Variants in CDKAL1 observed in about 807,000 individuals in gnomAD.
CDKAL1 encodes the protein CDKAL1 threonylcarbamoyladenosine tRNA methylthiotransferase.
In CDKAL1, 32 loss-of-function variants were observed where a neutral mutation model predicts 68.2. The observed-to-expected ratio is 0.47, with a 90% CI of 0.35 to 0.63. The LOEUF is 0.63. Ranked by LOEUF, CDKAL1 falls within the 30% of genes least tolerant of loss-of-function variation. The pLI is 0.00. For synonymous variants in CDKAL1, 234 were observed against 244.3 expected, an observed-to-expected ratio of 0.96 and a Z score of 0.39; for missense variants, 606 against 696.7, an observed-to-expected ratio of 0.87 and a Z score of 1.47.
chr6:20,722,550 TG>T, intron 5 of CDKAL1: 1 of 318,440 alleles, frequency 3.1e-6, no homozygotes. Flanking sequence ...CTGCTTACCC[TG>T]GGCACACATA....
chr6:20,771,632 C>T (rs9368232), intron 7 of CDKAL1, among the ~76,000 whole-genome samples: 67,618 of 151,926 alleles, frequency 0.45, 15,263 homozygotes, highest in South Asian at 0.5. Flanking sequence ...ATGTGATCCT[C>T]GCTGTTGGAA....
At chr6:21,221,845 CTT>C (rs1337572503) in intron 15 of CDKAL1, among the ~76,000 whole-genome samples, 2 of 152,172 alleles carry the variant, frequency 1.3e-5, no homozygotes, top group Non-Finnish European at 2.9e-5. Flanking sequence ...TTTCACATCT[CTT>C]GAGTCAGATG....
intron 9 of CDKAL1, 128 bp from the exon 10 acceptor site, chr6:20,955,291 C>T: frequency 2.2e-6 from 2 of 907,316 alleles, no homozygotes; most frequent in Admixed American, 4.9e-5. Context: ...TGCTTTTTCT[C>T]TGCAATTGAA....
intron 13 of CDKAL1, among the ~76,000 whole-genome samples, chr6:21,169,578 A>G (rs895273991): frequency 3.3e-5 from 5 of 152,122 alleles, no homozygotes; most frequent in African/African-American, 7.2e-5. Flanking sequence ...AGAGGTTGCA[A>G]TGAGCTGAGA....
intron 8 of CDKAL1, among the ~76,000 whole-genome samples, chr6:20,820,321 C>T (rs1023740826): frequency 6.6e-6 from 1 of 152,138 alleles, no homozygotes; most frequent in Non-Finnish European, 1.5e-5. Flanking sequence ...ATAGTAAACA[C>T]TTAATGAACA....
intron 9 of CDKAL1, among the ~76,000 whole-genome samples, chr6:20,933,232 A>G (rs779948751): frequency 1.3e-5 from 2 of 152,200 alleles, no homozygotes; most frequent in Non-Finnish European, 2.9e-5. Context: ...TACCTTACCC[A>G]TGAGAAAACA....
At chr6:21,120,004 G>C (rs1774625988) in intron 13 of CDKAL1, among the ~76,000 whole-genome samples, 1 of 152,184 alleles carries the variant, frequency 6.6e-6, no homozygotes, top group Non-Finnish European at 1.5e-5. Flanking sequence ...TCAAGACCCA[G>C]TTTAATTTCA....
chr6:20,831,054 A>G (rs1777697681), intron 8 of CDKAL1, among the ~76,000 whole-genome samples: 1 of 152,044 alleles, frequency 6.6e-6, no homozygotes, highest in African/African-American at 2.4e-5. Flanking sequence ...CCACCCTATA[A>G]TATTAGGTTG....
At chr6:20,808,955 T>A (rs1266626047) in intron 8 of CDKAL1, among the ~76,000 whole-genome samples, 1 of 152,192 alleles carries the variant, frequency 6.6e-6, no homozygotes, top group Non-Finnish European at 1.5e-5. Flanking sequence ...TAATTCTCTT[T>A]TACTACATCA....
At chr6:20,980,708 G>A (rs960614068) in intron 10 of CDKAL1, among the ~76,000 whole-genome samples, 6 of 152,104 alleles carry the variant, frequency 3.9e-5, no homozygotes, top group African/African-American at 1.4e-4. Context: ...GCAACTTCAC[G>A]TGTTCTGTGT....
intron 5 of CDKAL1, among the ~76,000 whole-genome samples, chr6:20,700,368 A>T (rs1056217811): frequency 4.0e-5 from 6 of 151,336 alleles, no homozygotes; most frequent in African/African-American, 7.3e-5. Flanking sequence ...AAAAAAAAAA[A>T]AAAATAAATA....
intron 8 of CDKAL1, among the ~76,000 whole-genome samples, chr6:20,807,304 A>G (rs930529097): frequency 3.9e-5 from 6 of 152,002 alleles, no homozygotes; most frequent in Non-Finnish European, 7.4e-5. Flanking sequence ...GCTCACTGCA[A>G]CCTCCACCTT....
intron 4 of CDKAL1, among the ~76,000 whole-genome samples, chr6:20,555,976 T>C (rs1764026837): frequency 6.6e-6 from 1 of 152,114 alleles, no homozygotes; most frequent in South Asian, 2.1e-4. Flanking sequence ...TCGTTTTTTT[T>C]TGGTGGAAAG....
intron 4 of CDKAL1, among the ~76,000 whole-genome samples, chr6:20,570,352 T>G (rs1358323677): frequency 6.6e-6 from 1 of 152,048 alleles, no homozygotes; most frequent in Non-Finnish European, 1.5e-5. Context: ...TCCATCCACC[T>G]CGGCCTCCCA....
rs1763603148 is a variant in CDKAL1, at chr6:20,546,366, T to A, written c.16T>A (p.Cys6Ser). The A allele has an allele frequency of 1.9e-6, 3 of 1,611,998 alleles. No homozygotes were observed. Among genetic ancestry groups the A allele is most frequent in the Non-Finnish European group, 2.5e-6 (3 of 1,178,734 alleles). Reference sequence around the variant, plus strand: ...GGTAGAGAATATGCCTTCTGCATCCTGTGATACACTACTGGATGACATCGA... The same window carrying A: ...GGTAGAGAATATGCCTTCTGCATCCAGTGATACACTACTGGATGACATCGA... Reference protein sequence around the residue: MPSASCDTLLDDIEDI... With the variant: MPSASSDTLLDDIEDI... Residue 6 changes from cysteine to serine, a missense_variant, in exon 3 of 16, where the codon TGT becomes AGT. Coordinates refer to ENST00000274695, the MANE Select transcript of CDKAL1 (RefSeq NM_017774.3).
In CDKAL1 at chr6:20,991,706, CAAAAAAAA is replaced by C. The variant is rs35504365; in HGVS notation, c.910-8503_910-8496del. Reference sequence around the variant, plus strand: ...TGGGTGACAGAGTGATATTCCCTCTCAAAAAAAAAAAAAAAAAAAAAAAAATCAACCAG... The same window carrying C: ...TGGGTGACAGAGTGATATTCCCTCTCAAAAAAAAAAAAAAAAATCAACCAG... On this transcript the variant is annotated intron_variant, in intron 10 of 15. Transcript: ENST00000274695. Among the ~76,000 whole-genome samples the C allele has an allele frequency of 2.2e-3, 133 of 59,626 alleles. 2 individuals carry two copies. The highest frequency in any genetic ancestry group is 8.1e-3 in the African/African-American group (122 of 15,136). 39.1% of individuals were successfully genotyped at this position (59,626 alleles called of 152,430 possible). A position where few individuals can be genotyped will look rare whatever the true frequency, so the allele number is the denominator to read the frequency against.
chr6:20,847,445 C>T (rs1003461200), intron 9 of CDKAL1, among the ~76,000 whole-genome samples: 33 of 152,214 alleles, frequency 2.2e-4, no homozygotes, highest in East Asian at 1.9e-4. Context: ...TCAGATAATG[C>T]GGATATTAAA....
chr6:20,568,759 C>CA (rs1333527921), intron 4 of CDKAL1, among the ~76,000 whole-genome samples: 18 of 136,480 alleles, frequency 1.3e-4, no homozygotes, highest in Non-Finnish European at 2.2e-4. Context: ...AACAAAAAAA[C>CA]AAAAAAACAA....
At chr6:20,862,017 A>T (rs1759658491) in intron 9 of CDKAL1, among the ~76,000 whole-genome samples, 1 of 152,200 alleles carries the variant, frequency 6.6e-6, no homozygotes, top group Non-Finnish European at 1.5e-5. Flanking sequence ...GCAGCCAGAC[A>T]TATTTTGTTA....
Sources: allele counts gnomAD v4.1 joint callset (sites outside exome capture counted in the v4.1 genomes callset), GRCh38; gene constraint gnomAD v4.1.1; transcripts MANE v1.5; gene names NCBI Gene and HGNC (gene_info 2026-07-23, HGNC 2026-07-21).